The following JMY variants were observed in gnomAD, a reference collection of about 807,000 sequenced individuals.
JMY encodes junction-mediating and -regulatory protein.
In JMY, 46 loss-of-function variants were observed where a neutral mutation model predicts 103.3. The ratio of observed to expected loss-of-function variants is 0.45; its 90% confidence interval spans 0.35 to 0.57. The LOEUF (loss-of-function observed/expected upper bound fraction) is 0.57. JMY is among the 20% of genes least tolerant of loss of function. The probability of loss-of-function intolerance (pLI) is 0.00; values close to 1 mark genes in which losing one functional copy is unlikely to be tolerated. For synonymous variants in JMY, 526 were observed against 489.3 expected, an observed-to-expected ratio of 1.07 and a Z score of -0.99; for missense variants, 1,238 against 1,255.2, an observed-to-expected ratio of 0.99 and a Z score of 0.21.
chr5:79,274,153 G>A (rs1420925810), intron 1 of JMY, among the ~76,000 whole-genome samples: 1 of 151,918 alleles, frequency 6.6e-6, no homozygotes, highest in African/African-American at 2.4e-5. Context: ...TATAAGATTG[G>A]ATAATTTATC....
chr5:79,289,777 G>A (rs1161805158), intron 2 of JMY, among the ~76,000 whole-genome samples: 1 of 131,712 alleles, frequency 7.6e-6, no homozygotes, highest in Non-Finnish European at 1.5e-5. Flanking sequence ...AAGTAATTTG[G>A]GGGGGGGCAT....
At position 79,314,840 on chromosome 5, in the gene JMY, AGAG is replaced by A. The variant is rs764549027; in HGVS notation, c.2655_2657del (p.Arg886del). 1.9e-6 allele frequency: 3 copies of A among 1,564,354 alleles called. No individual in the cohort carries two copies. Among genetic ancestry groups the A allele is most frequent in the East Asian group, 2.3e-5 (1 of 44,432 alleles). Reference sequence around the variant, plus strand: ...CTCAGAAAGACTGCTGAAGGTTTGCAGAGGAGGAGAGGTACGTCAACATATTTT... The same window carrying A: ...CTCAGAAAGACTGCTGAAGGTTTGCAGAGGAGAGGTACGTCAACATATTTT... On this transcript the variant is annotated inframe_deletion, in exon 9 of 11. Coordinates refer to ENST00000396137, the MANE Select transcript of JMY (RefSeq NM_152405.5).
chr5:79,276,588 C>T (rs1414549194), intron 1 of JMY, among the ~76,000 whole-genome samples: 1 of 151,980 alleles, frequency 6.6e-6, no homozygotes, highest in Non-Finnish European at 1.5e-5. Flanking sequence ...CATTTTTTCT[C>T]CCAAGAAATC....
intron 2 of JMY, chr5:79,284,991 C>G: frequency 1.0e-6 from 1 of 978,666 alleles, no homozygotes; most frequent in African/African-American, 1.6e-5. Flanking sequence ...AGACGAACCT[C>G]TAGATTTTTA....
intron 2 of JMY, chr5:79,284,530 A>T: frequency 6.3e-7 from 1 of 1,579,918 alleles, no homozygotes; most frequent in South Asian, 1.1e-5. Context: ...GCAAGTAACC[A>T]TCAATAGTCC....
chr5:79,238,002 A>G (rs1744578829), intron 1 of JMY, among the ~76,000 whole-genome samples: 1 of 151,944 alleles, frequency 6.6e-6, no homozygotes, highest in Admixed American at 6.6e-5. Context: ...CTACCTGAGC[A>G]TTTTTCTACC....
intron 2 of JMY, among the ~76,000 whole-genome samples, chr5:79,278,419 A>G (rs947818017): frequency 6.6e-6 from 1 of 151,558 alleles, no homozygotes; most frequent in African/African-American, 2.4e-5. Context: ...CTCCTCTTTA[A>G]TGTTTTGGAG....
chr5:79,293,120 A>G (rs1005601286), intron 4 of JMY, among the ~76,000 whole-genome samples: 1 of 151,914 alleles, frequency 6.6e-6, no homozygotes, highest in African/African-American at 2.4e-5. Flanking sequence ...CCCATAGGTT[A>G]TTTTTAAAAC....
At chr5:79,296,223 T>G (rs982711662) in intron 4 of JMY, among the ~76,000 whole-genome samples, 2 of 152,238 alleles carry the variant, frequency 1.3e-5, no homozygotes, top group African/African-American at 4.8e-5. Context: ...AGATCACATT[T>G]TTCCACAAAT....
At chr5:79,302,045 T>G (rs923613918) in intron 6 of JMY, among the ~76,000 whole-genome samples, 31 of 139,640 alleles carry the variant, frequency 2.2e-4, no homozygotes, top group Admixed American at 7.7e-4. Flanking sequence ...ATGGCACCAT[T>G]GCACTCCAGC....
chr5:79,285,565 CTT>C (rs869197589), intron 2 of JMY, among the ~76,000 whole-genome samples: 26 of 84,364 alleles, frequency 3.1e-4, no homozygotes, highest in African/African-American at 1.7e-3. Flanking sequence ...CGATTTCTCT[CTT>C]TTTTTTTTTT....
At chr5:79,277,593 G>A (rs899641476) in intron 1 of JMY, among the ~76,000 whole-genome samples, 12 of 151,748 alleles carry the variant, frequency 7.9e-5, no homozygotes, top group Admixed American at 1.3e-4. Flanking sequence ...AGCTGAGATC[G>A]CACCATTGCA....
At chr5:79,319,469 T>C (rs1476949555) in intron 10 of JMY, among the ~76,000 whole-genome samples, 1 of 152,202 alleles carries the variant, frequency 6.6e-6, no homozygotes, top group Non-Finnish European at 1.5e-5. Context: ...CACTACTTTG[T>C]GATCATGGAG....
chr5:79,297,612 C>G lies in JMY; in HGVS notation c.1528-2541C>G, dbSNP rs370744826. On this transcript the variant is annotated intron_variant, in intron 4 of 10. Coordinates refer to ENST00000396137, the MANE Select transcript of JMY (RefSeq NM_152405.5). ...TATTATTTTGCCCTCACAGATTTCT[C>G]TGAGTCATAGCATCCTTTTCTCCTT... Among the ~76,000 whole-genome samples, 20 of 152,340 alleles carry G rather than the reference C, an allele frequency of 1.3e-4. 1 individual carries two copies. The highest frequency in any genetic ancestry group is 5.9e-4 in the Admixed American group (9 of 15,300).
intron 3 of JMY, among the ~76,000 whole-genome samples, chr5:79,290,788 C>G (rs1019533297): frequency 2.3e-4 from 35 of 152,040 alleles, no homozygotes; most frequent in Admixed American, 2.2e-3. Flanking sequence ...GAGTTCAAGA[C>G]CAGCCTGGCC....
intron 2 of JMY, among the ~76,000 whole-genome samples, chr5:79,280,641 A>G (rs760188390): frequency 5.3e-5 from 8 of 152,230 alleles, no homozygotes; most frequent in Non-Finnish European, 1.2e-4. Context: ...AGCAACTCAT[A>G]CATTACATTA....
In JMY at chr5:79,306,386, T is replaced by G; in HGVS notation, c.1893T>G (p.Ile631Met). 1.2e-6 allele frequency: 2 copies of G among 1,611,154 alleles called. No individual in the cohort carries two copies. The highest frequency in any genetic ancestry group is 1.3e-5 in the African/African-American group (1 of 74,968). The stretch of plus-strand genomic sequence containing the variant: ...TTATGTATTTACAGGAAATATGTAT[T>G]GCAAAACACAATGAAAAAATCCAAC... ...SYLRNKKEIC[I>M]AKHNEKIQQR... The change falls in exon 7 of 11, where the codon ATT becomes ATG. Residue 631 changes from isoleucine to methionine, a missense_variant. Transcript: ENST00000396137.
intron 2 of JMY, among the ~76,000 whole-genome samples, chr5:79,281,797 C>T (rs1259526686): frequency 6.6e-6 from 1 of 152,108 alleles, no homozygotes; most frequent in Non-Finnish European, 1.5e-5. Flanking sequence ...GAGTTGACCA[C>T]TCTAAATGGA....
intron 4 of JMY, among the ~76,000 whole-genome samples, chr5:79,294,861 A>G (rs1237061848): frequency 7.1e-6 from 1 of 140,876 alleles, no homozygotes; most frequent in African/African-American, 2.7e-5. Context: ...TCTGTCTCAA[A>G]AAAAAAAAAA....
Sources: gnomAD v4.1 joint callset for allele counts (sites outside exome capture counted in the v4.1 genomes callset) on GRCh38, gnomAD v4.1.1 for gene constraint, MANE v1.5 for transcripts, NCBI Gene and HGNC (gene_info 2026-07-23, HGNC 2026-07-21) for gene names.